HSPBAP1: variants seen among roughly 807,000 people sequenced by gnomAD.
HSPBAP1 encodes the protein HSPB1 associated protein 1, also known as HSPB1-associated protein 1.
A neutral mutation model predicts 45.2 loss-of-function variants in HSPBAP1; 27 were observed. The observed-to-expected ratio is 0.60, with a 90% CI of 0.44 to 0.82. The LOEUF (loss-of-function observed/expected upper bound fraction) is 0.82. HSPBAP1 is among the 40% of genes least tolerant of loss of function. The pLI, the probability that HSPBAP1 is intolerant of heterozygous loss-of-function variation, is 0.00. For missense variants in HSPBAP1, 510 were observed against 590.9 expected, an observed-to-expected ratio of 0.86 and a Z score of 1.42; for synonymous variants, 204 against 202.7, an observed-to-expected ratio of 1.01 and a Z score of -0.06.
intron 2 of HSPBAP1, among the ~76,000 whole-genome samples, chr3:122,773,186 A>G (rs997115566): frequency 6.6e-6 from 1 of 152,130 alleles, no homozygotes; most frequent in Non-Finnish European, 1.5e-5. Context: ...ATTCAAAAAA[A>G]TTTTTAAACC....
At chr3:122,780,380 G>T (rs1576271589) in intron 1 of HSPBAP1, among the ~76,000 whole-genome samples, 1 of 124,328 alleles carries the variant, frequency 8.0e-6, no homozygotes, top group Non-Finnish European at 1.7e-5. Flanking sequence ...CCGGGCGGGG[G>T]GCTGACCCCC....
intron 5 of HSPBAP1, chr3:122,753,535 A>G: frequency 1.0e-6 from 1 of 984,772 alleles, no homozygotes; most frequent in Non-Finnish European, 1.2e-6. Context: ...TATAAATAGG[A>G]AGGTATAATA....
intron 1 of HSPBAP1, among the ~76,000 whole-genome samples, chr3:122,785,639 G>C (rs775117893): frequency 1.3e-5 from 2 of 152,118 alleles, no homozygotes; most frequent in African/African-American, 4.8e-5. Context: ...GTGGGACCCC[G>C]TTACAGTAGT....
chr3:122,771,797 A>C (rs1935009716), intron 2 of HSPBAP1, among the ~76,000 whole-genome samples: 1 of 152,262 alleles, frequency 6.6e-6, no homozygotes, highest in Non-Finnish European at 1.5e-5. Flanking sequence ...ATATTCAAAA[A>C]TGCCAATTAT....
intron 5 of HSPBAP1, chr3:122,755,040 T>A: frequency 8.3e-7 from 1 of 1,204,918 alleles, no homozygotes; most frequent in Non-Finnish European, 1.0e-6. Flanking sequence ...TAGGAGGAGC[T>A]GTGTTCCCTC....
At chr3:122,757,569 C>T (rs937733437) in intron 4 of HSPBAP1, among the ~76,000 whole-genome samples, 14 of 152,174 alleles carry the variant, frequency 9.2e-5, no homozygotes, top group African/African-American at 2.9e-4. Context: ...GGATGTCTGT[C>T]GGCTTGCCTT....
intron 3 of HSPBAP1, chr3:122,761,620 T>TA (rs1934586527): frequency 6.7e-6 from 1 of 150,354 alleles, no homozygotes; most frequent in Admixed American, 6.6e-5. Context: ...AAAAGGTTTT[T>TA]TTTTTTTTTT....
chr3:122,775,781 G>A (rs867254551), intron 2 of HSPBAP1, among the ~76,000 whole-genome samples: 12 of 152,096 alleles, frequency 7.9e-5, no homozygotes, highest in African/African-American at 2.7e-4. Flanking sequence ...TACTCCAAGA[G>A]AAATGAAAAT....
At position 122,752,651 on chromosome 3, in the gene HSPBAP1, C is replaced by CCA. The variant is rs776394248; in HGVS notation, c.763_764dup (p.Trp255CysfsTer6). The CCA allele has an allele frequency of 1.1e-5, 18 of 1,608,770 alleles. No homozygotes were observed. The highest frequency in any genetic ancestry group is 1.5e-5 in the Non-Finnish European group (18 of 1,177,994). On this transcript the variant is annotated frameshift_variant, in exon 6 of 8. Transcript: ENST00000306103. LOFTEE classifies it high-confidence loss of function. ...GATCAATGGATTCTACGTAATGCCACCAGTGTCTGGGAACAAAGAGAACCT... is the reference window on the plus strand; with the variant it reads ...GATCAATGGATTCTACGTAATGCCACCACAGTGTCTGGGAACAAAGAGAACCT...
intron 1 of HSPBAP1, among the ~76,000 whole-genome samples, chr3:122,780,901 CCTCACA>C (rs1415145967): frequency 2.7e-4 from 24 of 90,284 alleles, no homozygotes; most frequent in Admixed American, 5.9e-4. Context: ...CAGAGGCACT[CCTCACA>C]TCCCAGACGG....
At chr3:122,768,965 T>A in intron 2 of HSPBAP1, 83 bp from the exon 3 acceptor site, 1 of 1,034,368 alleles carries the variant, frequency 9.7e-7, no homozygotes. Context: ...AAAGATAATT[T>A]CAACCAAAAA....
At chr3:122,783,310 A>T (rs923625117) in intron 1 of HSPBAP1, among the ~76,000 whole-genome samples, 3 of 152,180 alleles carry the variant, frequency 2.0e-5, no homozygotes, top group Non-Finnish European at 4.4e-5. Flanking sequence ...ATCCTTCCAT[A>T]CAGGCCTATG....
chr3:122,782,101 A>G (rs972536408), intron 1 of HSPBAP1, among the ~76,000 whole-genome samples: 1 of 152,154 alleles, frequency 6.6e-6, no homozygotes, highest in African/African-American at 2.4e-5. Flanking sequence ...GATTTTTTGG[A>G]AAATACTACT....
intron 6 of HSPBAP1, among the ~76,000 whole-genome samples, chr3:122,749,073 A>T (rs1211968350): frequency 6.6e-6 from 1 of 152,020 alleles, no homozygotes; most frequent in South Asian, 2.1e-4. Flanking sequence ...ACATATTTAT[A>T]TGCTTATGCA....
At chr3:122,747,568 GT>G (rs1933937096) in intron 6 of HSPBAP1, among the ~76,000 whole-genome samples, 1 of 142,490 alleles carries the variant, frequency 7.0e-6, no homozygotes, top group African/African-American at 2.7e-5. Flanking sequence ...CAGCCGCCCC[GT>G]CCGGGAGGGA....
chr3:122,771,209 AT>A (rs1204327198), intron 2 of HSPBAP1, among the ~76,000 whole-genome samples: 2 of 152,162 alleles, frequency 1.3e-5, no homozygotes, highest in Non-Finnish European at 2.9e-5. Context: ...TAATGATATA[AT>A]TTTTTCACTC....
At chr3:122,755,120 CCTT>C in intron 5 of HSPBAP1, 137 bp downstream of exon 5, 2 of 1,211,712 alleles carry the variant, frequency 1.7e-6, no homozygotes, top group Non-Finnish European at 2.1e-6. Flanking sequence ...GGGGAAGCTA[CCTT>C]CCAACAGCAG....
At chr3:122,748,371 T>C (rs557024245) in intron 6 of HSPBAP1, among the ~76,000 whole-genome samples, 2 of 143,012 alleles carry the variant, frequency 1.4e-5, no homozygotes, top group Admixed American at 7.0e-5. Context: ...CACCCAAGAA[T>C]GATCAATTAA....
intron 3 of HSPBAP1, among the ~76,000 whole-genome samples, chr3:122,761,040 C>T (rs1406861933): frequency 6.6e-6 from 1 of 152,150 alleles, no homozygotes; most frequent in Non-Finnish European, 1.5e-5. Context: ...GCTTTAAGAT[C>T]ACAGCAGGAG....
Sources: gnomAD v4.1 joint callset for allele counts (sites outside exome capture counted in the v4.1 genomes callset) on GRCh38, gnomAD v4.1.1 for gene constraint, MANE v1.5 for transcripts, NCBI Gene and HGNC (gene_info 2026-07-23, HGNC 2026-07-21) for gene names.